Variants in CPXM2 observed in about 807,000 individuals in gnomAD.
CPXM2 encodes the protein inactive carboxypeptidase-like protein X2.
Under a neutral mutation model 86.1 loss-of-function variants are expected in CPXM2, and 66 were observed. That is an observed-to-expected ratio of 0.77 (90% CI 0.63 to 0.94). The LOEUF (loss-of-function observed/expected upper bound fraction) is 0.94, where lower values mean the gene tolerates loss of function less well. CPXM2 is among the 40% of genes least tolerant of loss of function. CPXM2 has a pLI of 0.00. For missense variants in CPXM2, 948 were observed against 1,026.3 expected (o/e 0.92, Z 1.04); for synonymous variants, 388 against 400.2 (o/e 0.97, Z 0.36).
At chr10:123,941,755 T>C (rs952796476), upstream of CPXM2, among the ~76,000 whole-genome samples, 1 of 152,320 alleles carries the variant, frequency 6.6e-6, no homozygotes, top group Non-Finnish European at 1.5e-5. Context: ...TTGGGGGTGC[T>C]TTGAAGAAGA....
intron 4 of CPXM2, among the ~76,000 whole-genome samples, chr10:123,813,561 C>A (rs1038234376): frequency 3.9e-5 from 6 of 152,190 alleles, no homozygotes; most frequent in African/African-American, 1.4e-4. Context: ...ATTCTTACAT[C>A]TTAAACCTAA....
intron 6 of CPXM2, 100 bp downstream of exon 6, chr10:123,797,876 C>T: frequency 8.5e-7 from 1 of 1,176,254 alleles, no homozygotes; most frequent in Non-Finnish European, 1.1e-6. Flanking sequence ...GCATGAGCTA[C>T]TGTGCCTGGT....
At chr10:123,774,092 G>C (rs1255466783) in intron 7 of CPXM2, among the ~76,000 whole-genome samples, 20 of 152,196 alleles carry the variant, frequency 1.3e-4, no homozygotes, top group Admixed American at 7.2e-4. Context: ...TGACCATGCA[G>C]TAAGGGCCAG....
Position 123,885,579 on chromosome 10 carries a change from C to A in CPXM2, c.305-5270G>T, listed in dbSNP as rs1011924143. Among the ~76,000 whole-genome samples, 2 of 152,204 alleles carry A rather than the reference C, an allele frequency of 1.3e-5. No individual in the cohort carries two copies. The highest frequency in any genetic ancestry group is 2.4e-5 in the African/African-American group (1 of 41,456). On this transcript the variant is annotated intron_variant, in intron 1 of 13. Coordinates refer to ENST00000241305, the MANE Select transcript of CPXM2 (RefSeq NM_198148.3). The surrounding 1 kb of genome is among the most constrained non-coding windows in gnomAD (Gnocchi z 4.0). ...GCCATGCTAACCATCCTATGATGCC[C>A]AACGAGTAGCCAGCTGGCTGCCAGC...
At chr10:123,750,498 A>G (rs751918342) in intron 13 of CPXM2, 1 of 985,124 alleles carries the variant, frequency 1.0e-6, no homozygotes, top group Non-Finnish European at 1.2e-6. Flanking sequence ...TTAGGGAGGG[A>G]CCCTTCCTTG....
chr10:123,883,461 C>T (rs1467683577), intron 1 of CPXM2, among the ~76,000 whole-genome samples: 1 of 152,228 alleles, frequency 6.6e-6, no homozygotes, highest in Non-Finnish European at 1.5e-5. Context: ...GGCAACAATA[C>T]CTGCCACGGT....
chr10:123,844,469 A>T (rs779029395), intron 3 of CPXM2, among the ~76,000 whole-genome samples: 2 of 152,196 alleles, frequency 1.3e-5, no homozygotes, highest in Non-Finnish European at 2.9e-5. Context: ...AAGCACACCA[A>T]TGCCCCTAAC....
chr10:123,751,082 GT>G (rs1377897527), intron 13 of CPXM2: 2 of 984,584 alleles, frequency 2.0e-6, no homozygotes, highest in East Asian at 2.3e-4. Context: ...TGCCAAGCCT[GT>G]CCCGCAGACT....
chr10:123,864,492 A>G (rs1289817989), intron 2 of CPXM2, among the ~76,000 whole-genome samples: 1 of 152,206 alleles, frequency 6.6e-6, no homozygotes, highest in Non-Finnish European at 1.5e-5. Flanking sequence ...ACCAAGCATC[A>G]GAAACACCAA....
chr10:123,791,733 G>T (rs1412552618), intron 6 of CPXM2, among the ~76,000 whole-genome samples: 1 of 152,202 alleles, frequency 6.6e-6, no homozygotes, highest in Non-Finnish European at 1.5e-5. Flanking sequence ...GTTGTAGGGG[G>T]ACCTCCTCTT....
At chr10:123,787,760 C>T (rs1847097722) in intron 6 of CPXM2, among the ~76,000 whole-genome samples, 2 of 152,022 alleles carry the variant, frequency 1.3e-5, no homozygotes, top group Admixed American at 6.5e-5. Context: ...GAAGGTGGCT[C>T]ACCTGCAACC....
chr10:123,839,271 T>G (rs1848337568), intron 4 of CPXM2, among the ~76,000 whole-genome samples: 1 of 152,208 alleles, frequency 6.6e-6, no homozygotes, highest in African/African-American at 2.4e-5. Context: ...CCTAAAGCCC[T>G]GAGCCATCCA....
At chr10:123,842,606 T>C (rs769626143) in intron 3 of CPXM2, 118 bp from the exon 4 acceptor site, 54 of 1,016,232 alleles carry the variant, frequency 5.3e-5, no homozygotes, top group Non-Finnish European at 6.9e-5. Flanking sequence ...ATGAGGAAGG[T>C]GTTAAAGAAA....
intron 2 of CPXM2, among the ~76,000 whole-genome samples, chr10:123,867,527 CTTTTTTTTTTTT>C: frequency 1.1e-5 from 1 of 92,922 alleles, no homozygotes; most frequent in South Asian, 4.2e-4. Flanking sequence ...AGATTTCTTT[CTTTTTTTTTTTT>C]TTTTTTTTTT....
Position 123,789,434 on chromosome 10 carries a change from G to A in CPXM2, c.889+8542C>T, listed in dbSNP as rs1016363452. On this transcript the variant is annotated intron_variant, in intron 6 of 13. Transcript: ENST00000241305. ...GATGCTGCTGTGCCAACAGCCCAGG[G>A]CCAATTTGCAGCTTGACTGGCAGGG... Among the ~76,000 whole-genome samples the A allele has an allele frequency of 3.9e-5, 6 of 152,234 alleles. No homozygotes were observed. In the East Asian group the frequency reaches 1.2e-3, roughly 29 times the overall value.
In CPXM2 at chr10:123,848,943, C is replaced by T. The variant is rs541357081; in HGVS notation, c.514-6455G>A. Reference sequence around the variant, plus strand: ...TGGTGCCTGGCACAGAAAAGACAGTCAATACATGGAAGCCACTGGGGGTAC... The same window carrying T: ...TGGTGCCTGGCACAGAAAAGACAGTTAATACATGGAAGCCACTGGGGGTAC... On this transcript the variant is annotated intron_variant, in intron 3 of 13. Transcript: ENST00000241305. Among the ~76,000 whole-genome samples the T allele has an allele frequency of 3.9e-5, 6 of 152,310 alleles. No homozygotes were observed. The South Asian group carries it at 1.2e-3, about 32-fold the overall frequency.
At chr10:123,821,402 G>C (rs1847920965) in intron 4 of CPXM2, among the ~76,000 whole-genome samples, 1 of 152,210 alleles carries the variant, frequency 6.6e-6, no homozygotes, top group African/African-American at 2.4e-5. Context: ...CACATACTAT[G>C]TTTTACCCTA....
chr10:123,794,768 T>C (rs148016669), intron 6 of CPXM2, among the ~76,000 whole-genome samples: 2,873 of 147,630 alleles, frequency 0.019, 40 homozygotes, highest in African/African-American at 0.023. Context: ...TGTGTGTGTG[T>C]GCGCATGTGT....
chr10:123,814,889 G>A (rs1847781372), intron 4 of CPXM2, among the ~76,000 whole-genome samples: 1 of 152,128 alleles, frequency 6.6e-6, no homozygotes, highest in African/African-American at 2.4e-5. Context: ...GCTGGGTGTG[G>A]TGGTGTACAC....
Sources: allele counts gnomAD v4.1 joint callset (sites outside exome capture counted in the v4.1 genomes callset), GRCh38; gene constraint gnomAD v4.1.1; non-coding constraint Gnocchi (gnomAD v3.1); transcripts MANE v1.5; gene names NCBI Gene and HGNC (gene_info 2026-07-23, HGNC 2026-07-21).